Variants in FBXL17 observed in about 807,000 individuals in gnomAD.
FBXL17 encodes the protein F-box/LRR-repeat protein 17.
FBXL17 carries 22 observed loss-of-function variants against 66.2 expected under a neutral mutation model. That is an observed-to-expected ratio of 0.33 (90% confidence interval 0.24 to 0.47). The LOEUF (loss-of-function observed/expected upper bound fraction) is 0.47. Among genes scored for constraint, FBXL17 ranks in the 20% least tolerant of loss-of-function variants. The pLI is 1.00. For synonymous variants in FBXL17, 474 were observed against 400.5 expected, an observed-to-expected ratio of 1.18 and a Z score of -2.19; for missense variants, 878 against 948.2, an observed-to-expected ratio of 0.93 and a Z score of 0.97.
intron 7 of FBXL17, among the ~76,000 whole-genome samples, chr5:107,883,790 C>A (rs190627432): frequency 6.6e-6 from 1 of 152,082 alleles, no homozygotes; most frequent in Non-Finnish European, 1.5e-5. Context: ...AACAGAGGCA[C>A]GCTAAGGGGG....
intron 6 of FBXL17, among the ~76,000 whole-genome samples, chr5:108,177,154 T>G (rs1210571810): frequency 6.6e-6 from 1 of 152,200 alleles, no homozygotes; most frequent in Non-Finnish European, 1.5e-5. Context: ...TGCATCATTA[T>G]AAGTTAAATA....
intron 1 of FBXL17, among the ~76,000 whole-genome samples, chr5:108,371,403 A>G (rs1433907907): frequency 2.0e-5 from 3 of 152,256 alleles, no homozygotes; most frequent in Non-Finnish European, 4.4e-5. Flanking sequence ...TTCTAGCCAG[A>G]TAACCAAATA....
chr5:108,348,105 C>T (rs1184569165), intron 4 of FBXL17, among the ~76,000 whole-genome samples: 1 of 152,112 alleles, frequency 6.6e-6, no homozygotes, highest in Non-Finnish European at 1.5e-5. Flanking sequence ...TTATGTTTGG[C>T]AAACAAATTT....
intron 6 of FBXL17, among the ~76,000 whole-genome samples, chr5:108,069,999 T>C (rs1274257589): frequency 2.0e-5 from 3 of 152,228 alleles, no homozygotes; most frequent in African/African-American, 4.8e-5. Context: ...TCTTCCTCTA[T>C]TGCTGTCCTA....
intron 6 of FBXL17, among the ~76,000 whole-genome samples, chr5:108,180,105 T>C (rs1321553476): frequency 2.6e-5 from 4 of 152,202 alleles, no homozygotes; most frequent in Non-Finnish European, 5.9e-5. Context: ...TGGCAACTAA[T>C]TCAAAATTTT....
At chr5:108,161,336 A>T (rs1410372960) in intron 6 of FBXL17, among the ~76,000 whole-genome samples, 1 of 152,116 alleles carries the variant, frequency 6.6e-6, no homozygotes, top group Non-Finnish European at 1.5e-5. Flanking sequence ...ACAAAAAAAA[A>T]TTAGCCAAGC....
intron 7 of FBXL17, among the ~76,000 whole-genome samples, chr5:107,887,490 G>A (rs948727895): frequency 1.3e-5 from 2 of 152,122 alleles, no homozygotes; most frequent in African/African-American, 4.8e-5. Flanking sequence ...CCTAGTGCTT[G>A]AAAGAATTAG....
intron 4 of FBXL17, among the ~76,000 whole-genome samples, chr5:108,237,041 G>A (rs911822890): frequency 1.3e-5 from 2 of 152,136 alleles, no homozygotes; most frequent in African/African-American, 2.4e-5. Flanking sequence ...CAGCAACGGT[G>A]GGCATTGGGA....
In FBXL17 at chr5:108,368,144, A is replaced by G. The variant is rs567764213; in HGVS notation, c.994-191T>C. ...TGATACAGGAGCTAAAAACGGACTG[A>G]TGTTATATTTTCTGTAAGAAGAGGA... On this transcript the variant is annotated intron_variant, in intron 1 of 8. Coordinates refer to ENST00000542267, the MANE Select transcript of FBXL17 (RefSeq NM_001163315.3). Among the ~76,000 whole-genome samples the G allele has an allele frequency of 9.9e-5, 15 of 152,178 alleles. No homozygotes were observed. In the East Asian group the frequency reaches 1.2e-3, roughly 12 times the overall value.
Position 108,329,046 on chromosome 5 carries a change from C to T in FBXL17, c.1506+19353G>A, listed in dbSNP as rs1338780199. ...AAGCTCCAAGGTGCTTTTCATTATA[C>T]CACAATTGCCTATGCAAACAAGAAG... On this transcript the variant is annotated intron_variant, in intron 4 of 8. Coordinates refer to ENST00000542267, the MANE Select transcript of FBXL17 (RefSeq NM_001163315.3). Among the ~76,000 whole-genome samples, 8 of 152,118 alleles carry T rather than the reference C, an allele frequency of 5.3e-5. No individual in the cohort carries two copies. In the East Asian group the frequency reaches 1.5e-3, roughly 29 times the overall value.
At chr5:107,890,355 A>T (rs1166393284) in intron 7 of FBXL17, among the ~76,000 whole-genome samples, 1 of 150,816 alleles carries the variant, frequency 6.6e-6, no homozygotes. Context: ...CTGGTCTCAG[A>T]TTAAAAAAAA....
intron 5 of FBXL17, among the ~76,000 whole-genome samples, chr5:108,195,772 T>C (rs572791506): frequency 2.6e-5 from 4 of 152,278 alleles, no homozygotes; most frequent in Non-Finnish European, 4.4e-5. Context: ...ATTTTGGCTA[T>C]ACAGTATTTG....
chr5:108,044,586 A>G (rs1747179303), intron 6 of FBXL17, among the ~76,000 whole-genome samples: 1 of 152,172 alleles, frequency 6.6e-6, no homozygotes, highest in African/African-American at 2.4e-5. Context: ...ACTGTTCTAC[A>G]GCTTTACTTC....
intron 7 of FBXL17, among the ~76,000 whole-genome samples, chr5:107,938,369 A>C (rs1750978207): frequency 6.6e-6 from 1 of 152,082 alleles, no homozygotes; most frequent in Non-Finnish European, 1.5e-5. Context: ...CATACTGAGA[A>C]AAAACTATGT....
chr5:108,121,834 GGC>G (rs1340903501), intron 6 of FBXL17, among the ~76,000 whole-genome samples: 4 of 152,180 alleles, frequency 2.6e-5, no homozygotes, highest in African/African-American at 9.6e-5. Flanking sequence ...TGGGATTACA[GGC>G]GTGAGCCACC....
intron 7 of FBXL17, among the ~76,000 whole-genome samples, chr5:107,994,917 G>A (rs1753412622): frequency 6.6e-6 from 1 of 152,120 alleles, no homozygotes; most frequent in South Asian, 2.1e-4. Context: ...TGTTTTCTAA[G>A]TATAAGATAA....
At chr5:108,366,791 A>G (rs1234642670) in intron 2 of FBXL17, among the ~76,000 whole-genome samples, 1 of 152,138 alleles carries the variant, frequency 6.6e-6, no homozygotes, top group Non-Finnish European at 1.5e-5. Flanking sequence ...TTAACCTCTT[A>G]CCAATGAAGG....
At chr5:108,082,287 C>A (rs1267410486) in intron 6 of FBXL17, among the ~76,000 whole-genome samples, 1 of 152,038 alleles carries the variant, frequency 6.6e-6, no homozygotes, top group Admixed American at 6.6e-5. Context: ...GCTCAGATCT[C>A]CTGGGTTTAA....
intron 7 of FBXL17, among the ~76,000 whole-genome samples, chr5:107,995,269 T>G (rs958067755): frequency 6.6e-6 from 1 of 152,218 alleles, no homozygotes; most frequent in Non-Finnish European, 1.5e-5. Context: ...ACATATAAAA[T>G]ACAGAAATGA....
Sources: allele counts gnomAD v4.1 joint callset (sites outside exome capture counted in the v4.1 genomes callset), GRCh38; gene constraint gnomAD v4.1.1; transcripts MANE v1.5; gene names NCBI Gene and HGNC (gene_info 2026-07-23, HGNC 2026-07-21).